The following SPIN1 variants were observed in gnomAD, a reference collection of about 807,000 sequenced individuals.
SPIN1 encodes spindlin 1, also known as spindlin-1.
SPIN1 carries 3 observed loss-of-function variants against 26.0 expected under a neutral mutation model. The ratio of observed to expected loss-of-function variants is 0.12; its 90% confidence interval spans 0.05 to 0.30. The LOEUF (loss-of-function observed/expected upper bound fraction) is 0.30. Among genes scored for constraint, SPIN1 ranks in the 10% least tolerant of loss-of-function variants. The pLI, the probability that SPIN1 is intolerant of heterozygous loss-of-function variation, is 1.00. For missense variants in SPIN1, 126 were observed against 333.4 expected (o/e 0.38, Z 4.84); for synonymous variants, 101 against 116.5 (o/e 0.87, Z 0.86).
chr9:88,464,901 ACAAC>A (rs1227113348), intron 4 of SPIN1, among the ~76,000 whole-genome samples: 1 of 152,206 alleles, frequency 6.6e-6, no homozygotes, highest in East Asian at 1.9e-4. Context: ...ATTAAACAAA[ACAAC>A]CTACCTTTCC....
At chr9:88,408,260 A>G (rs1328103867) in intron 1 of SPIN1, among the ~76,000 whole-genome samples, 1 of 105,874 alleles carries the variant, frequency 9.4e-6, no homozygotes, top group South Asian at 3.7e-4. Context: ...TCCCCCCTTT[A>G]CCCCCTCCCC....
chr9:88,468,424 A>T lies in SPIN1; in HGVS notation c.408A>T (p.Ala136=), dbSNP rs768056586. The part of the protein sequence containing the change: ...AHLADTMIGK[A]VEHMFETEDG... ...TGGCAGACACAATGATTGGCAAAGCAGTGGAACATATGTTTGAGACAGAGG... is the reference window on the plus strand; with the variant it reads ...TGGCAGACACAATGATTGGCAAAGCTGTGGAACATATGTTTGAGACAGAGG... The change falls in exon 5 of 6, where the codon GCA becomes GCT. Residue 136 remains alanine (A), a synonymous_variant. Coordinates refer to ENST00000375859, the MANE Select transcript of SPIN1 (RefSeq NM_006717.3). 1 of 1,612,348 alleles carries T rather than the reference A, an allele frequency of 6.2e-7. No individual in the cohort carries two copies. Among genetic ancestry groups the T allele is most frequent in the Non-Finnish European group, 8.5e-7 (1 of 1,179,376 alleles).
Position 88,441,414 on chromosome 9 carries a change from T to TGTGTGTGTGTGTGTGTGTGTGTGTGTGC in SPIN1, c.53-7526_53-7525insTGTGTGTGTGTGTGTGTGTGTGTGTGCG. 4.3e-3 allele frequency among the ~76,000 whole-genome samples: 605 copies of TGTGTGTGTGTGTGTGTGTGTGTGTGTGC among 141,222 alleles called. 7 individuals carry two copies. Among genetic ancestry groups the TGTGTGTGTGTGTGTGTGTGTGTGTGTGC allele is most frequent in the African/African-American group, 0.011 (387 of 34,364 alleles). 92.6% of individuals were successfully genotyped at this position (141,222 alleles called of 152,430 possible). ...GCTGCCATTCGTGTGTGTGTGTGTG[T>TGTGTGTGTGTGTGTGTGTGTGTGTGTGC]GCGCGCGCGCGCGCCCATGTGTGTG... On this transcript the variant is annotated intron_variant, in intron 2 of 5. Transcript: ENST00000375859.
intron 1 of SPIN1, among the ~76,000 whole-genome samples, chr9:88,398,805 C>T (rs1827124139): frequency 6.6e-6 from 1 of 152,002 alleles, no homozygotes; most frequent in South Asian, 2.1e-4. Flanking sequence ...AACTCCCCAC[C>T]TCAGGTCATC....
intron 2 of SPIN1, among the ~76,000 whole-genome samples, chr9:88,439,036 C>T (rs1828065782): frequency 6.6e-6 from 1 of 152,090 alleles, no homozygotes; most frequent in Non-Finnish European, 1.5e-5. Context: ...ACTTCCTGGC[C>T]CCTCAACTGC....
chr9:88,475,047 CTTTTTTTTTTTTTTT>C lies in SPIN1; in HGVS notation c.590-22_590-8del, dbSNP rs11320023. On this transcript the variant is annotated splice_polypyrimidine_tract_variant and intron_variant, in intron 5 of 5. Transcript: ENST00000375859. ...TGACTTAGAAATTTTCTCTCTCTCT[CTTTTTTTTTTTTTTT>C]TTTTTTTTAATATAGATGATTCACC... is the stretch of plus-strand genomic sequence containing the variant. 3.6e-3 allele frequency: 3,031 copies of C among 841,798 alleles called. 31 individuals carry two copies. Among genetic ancestry groups the C allele is most frequent in the East Asian group, 0.017 (452 of 26,560 alleles). 52.1% of individuals were successfully genotyped at this position (841,798 alleles called of 1,614,324 possible). A position where few individuals can be genotyped will look rare whatever the true frequency, so the allele number is the denominator to read the frequency against.
At chr9:88,471,751 T>C (rs1262145647) in intron 5 of SPIN1, among the ~76,000 whole-genome samples, 1 of 151,586 alleles carries the variant, frequency 6.6e-6, no homozygotes, top group Non-Finnish European at 1.5e-5. Context: ...TTTGTATGTC[T>C]GTTGCTGTGC....
At chr9:88,430,761 T>G (rs981821773) in intron 2 of SPIN1, among the ~76,000 whole-genome samples, 1 of 152,234 alleles carries the variant, frequency 6.6e-6, no homozygotes, top group Non-Finnish European at 1.5e-5. Flanking sequence ...CTAATGACAT[T>G]GGGTAACAAG....
chr9:88,459,405 C>G (rs1343163293), intron 3 of SPIN1, among the ~76,000 whole-genome samples: 1 of 152,134 alleles, frequency 6.6e-6, no homozygotes, highest in African/African-American at 2.4e-5. Flanking sequence ...CAACTTTCTT[C>G]TACCTCTGAG....
chr9:88,472,979 A>G (rs1287252024), intron 5 of SPIN1, among the ~76,000 whole-genome samples: 3 of 152,214 alleles, frequency 2.0e-5, no homozygotes, highest in Non-Finnish European at 4.4e-5. Flanking sequence ...CTCTCCATAC[A>G]TTAGCCATGC....
intron 5 of SPIN1, among the ~76,000 whole-genome samples, chr9:88,473,814 CG>C (rs1258647860): frequency 1.3e-5 from 2 of 151,968 alleles, no homozygotes; most frequent in African/African-American, 4.8e-5. Context: ...AATTCACGTG[CG>C]ATTGTGTATT....
intron 2 of SPIN1, among the ~76,000 whole-genome samples, chr9:88,432,734 GCCTTGA>G (rs1434618340): frequency 6.6e-6 from 1 of 152,016 alleles, no homozygotes; most frequent in Non-Finnish European, 1.5e-5. Context: ...TGATCTGCCT[GCCTTGA>G]CCTTCCAAAG....
chr9:88,445,657 C>G (rs1828236357), intron 2 of SPIN1, among the ~76,000 whole-genome samples: 1 of 151,018 alleles, frequency 6.6e-6, no homozygotes, highest in African/African-American at 2.4e-5. Flanking sequence ...ATTCTCTTGC[C>G]TTAGCCAGAA....
chr9:88,398,971 A>T (rs1827128094), intron 1 of SPIN1, among the ~76,000 whole-genome samples: 1 of 151,884 alleles, frequency 6.6e-6, no homozygotes, highest in South Asian at 2.1e-4. Context: ...ATGTGTGTGT[A>T]TGTATTAAGG....
intron 1 of SPIN1, among the ~76,000 whole-genome samples, chr9:88,402,641 ATTC>A (rs1285973896): frequency 2.0e-5 from 3 of 151,498 alleles, no homozygotes; most frequent in South Asian, 2.1e-4. Context: ...CAAACATTTT[ATTC>A]TTCTTTCTGG....
chr9:88,411,522 T>C, intron 1 of SPIN1: 1 of 620,338 alleles, frequency 1.6e-6, no homozygotes. Flanking sequence ...GGCAGAAAGC[T>C]TTTTTTTTGG....
intron 4 of SPIN1, among the ~76,000 whole-genome samples, chr9:88,466,558 T>C (rs1828672448): frequency 6.6e-6 from 1 of 152,200 alleles, no homozygotes; most frequent in Non-Finnish European, 1.5e-5. Flanking sequence ...CGGGGGGAAT[T>C]CTGTGTAATT....
At position 88,477,817 on chromosome 9, in the gene SPIN1, C is replaced by T. The variant is rs1828914025; in HGVS notation, c.*2540C>T. 1 of 152,320 alleles carries T rather than the reference C, an allele frequency of 6.6e-6. No individual in the cohort carries two copies. The highest frequency in any genetic ancestry group is 1.5e-5 in the Non-Finnish European group (1 of 68,028). 9.4% of individuals were successfully genotyped at this position (152,320 alleles called of 1,614,324 possible). On this transcript the variant is annotated 3_prime_UTR_variant, in exon 6 of 6. Transcript: ENST00000375859. Reference sequence around the variant, plus strand: ...AAAATTTATCGGCCTTTCTCATTTACCTGCTCTAGTATTATTGTATTGTGT... The same window carrying T: ...AAAATTTATCGGCCTTTCTCATTTATCTGCTCTAGTATTATTGTATTGTGT...
intron 1 of SPIN1, among the ~76,000 whole-genome samples, chr9:88,406,561 G>C (rs371671401): frequency 1.2e-4 from 18 of 152,170 alleles, no homozygotes; most frequent in Admixed American, 5.2e-4. Flanking sequence ...CAAAGTGCTG[G>C]GATTACAGGC....
Sources: allele counts gnomAD v4.1 joint callset (sites outside exome capture counted in the v4.1 genomes callset), GRCh38; gene constraint gnomAD v4.1.1; transcripts MANE v1.5; gene names NCBI Gene and HGNC (gene_info 2026-07-23, HGNC 2026-07-21).